AOAH: variants seen among roughly 807,000 people sequenced by gnomAD.
The protein encoded by AOAH is acyloxyacyl hydrolase (neutrophil).
In AOAH, 64 loss-of-function variants were observed where a neutral mutation model predicts 92.2. The observed-to-expected ratio is 0.69, with a 90% CI of 0.57 to 0.86. The LOEUF (loss-of-function observed/expected upper bound fraction) is 0.86, where lower values mean the gene tolerates loss of function less well. AOAH is among the 40% of genes least tolerant of loss of function. AOAH has a pLI of 0.00. For missense variants in AOAH, 656 were observed against 694.6 expected (o/e 0.94, Z 0.62); for synonymous variants, 263 against 254.5 (o/e 1.03, Z -0.32).
At chr7:36,681,917 A>C (rs1796670718) in intron 2 of AOAH, among the ~76,000 whole-genome samples, 1 of 152,230 alleles carries the variant, frequency 6.6e-6, no homozygotes, top group African/African-American at 2.4e-5. Flanking sequence ...TTAGGTGAGA[A>C]TAAACCACTT....
intron 1 of AOAH, among the ~76,000 whole-genome samples, chr7:36,703,745 T>C (rs1339104436): frequency 6.6e-6 from 1 of 152,218 alleles, no homozygotes; most frequent in Admixed American, 6.5e-5. Flanking sequence ...AAGTCTGCTA[T>C]TGTGAACAGT....
intron 4 of AOAH, among the ~76,000 whole-genome samples, chr7:36,656,347 G>A (rs767461515): frequency 5.3e-5 from 8 of 152,158 alleles, no homozygotes; most frequent in Non-Finnish European, 8.8e-5. Context: ...AGCCGGTGGC[G>A]ATAGACTTCA....
At position 36,659,246 on chromosome 7, in the gene AOAH, C is replaced by T. The variant is rs542375083; in HGVS notation, c.310G>A (p.Ala104Thr). 1 of 1,614,030 alleles carries T rather than the reference C, an allele frequency of 6.2e-7. No homozygotes were observed. The highest frequency in any genetic ancestry group is 1.3e-5 in the African/African-American group (1 of 75,046). ...TCCAGAGTGTGACATACCACATCAG[C>T]ATTCATATCTGCGCTAAGCCTGGAG... ...IIKLLSADMN[A>T]DVVCHTLEFC... is the part of the protein sequence containing the mutation. Residue 104 changes from alanine (A) to threonine (T), a missense_variant, in exon 4 of 21, where the codon GCT becomes ACT. By Grantham distance (58) the Ala-to-Thr change is moderately conservative. Transcript: ENST00000617537.
chr7:36,667,137 C>T (rs931960880), intron 3 of AOAH, among the ~76,000 whole-genome samples: 2 of 152,110 alleles, frequency 1.3e-5, no homozygotes, highest in Non-Finnish European at 2.9e-5. Flanking sequence ...GTTTTAATCT[C>T]CATGGTTTCA....
chr7:36,554,700 G>T (rs377697775), intron 13 of AOAH, among the ~76,000 whole-genome samples: 1 of 150,436 alleles, frequency 6.6e-6, no homozygotes, highest in Non-Finnish European at 1.5e-5. Context: ...GGTCCTTCAC[G>T]TCCCTTGTAA....
At chr7:36,576,226 C>A (rs761597034) in intron 13 of AOAH, among the ~76,000 whole-genome samples, 2 of 152,198 alleles carry the variant, frequency 1.3e-5, no homozygotes, top group Non-Finnish European at 2.9e-5. Flanking sequence ...AGAGCTTTTG[C>A]GATGACCTTA....
chr7:36,539,625 A>G (rs1478550368), intron 16 of AOAH, among the ~76,000 whole-genome samples: 1 of 152,256 alleles, frequency 6.6e-6, no homozygotes, highest in East Asian at 1.9e-4. Flanking sequence ...CAGAAAGCAG[A>G]GCCCTGCTAC....
chr7:36,521,404 T>C (rs1784101294), intron 20 of AOAH, among the ~76,000 whole-genome samples: 1 of 152,172 alleles, frequency 6.6e-6, no homozygotes, highest in African/African-American at 2.4e-5. Context: ...AAGTGGAGCT[T>C]CTCTGGTTGA....
chr7:36,695,748 A>G (rs4720212), intron 1 of AOAH, among the ~76,000 whole-genome samples: 88,486 of 152,028 alleles, frequency 0.58, 26,027 homozygotes, highest in East Asian at 0.83. Context: ...TTGCTTCCAA[A>G]TCTGTGGCTA....
intron 1 of AOAH, among the ~76,000 whole-genome samples, chr7:36,719,658 C>T (rs1440664041): frequency 1.3e-5 from 2 of 152,094 alleles, no homozygotes; most frequent in African/African-American, 2.4e-5. Flanking sequence ...GGGCTGGACA[C>T]GGTGGCTCAT....
intron 2 of AOAH, among the ~76,000 whole-genome samples, chr7:36,680,780 A>G (rs1427176233): frequency 1.3e-5 from 2 of 152,206 alleles, no homozygotes; most frequent in African/African-American, 2.4e-5. Flanking sequence ...TAACCTTCTT[A>G]ATCCTTTAAA....
intron 3 of AOAH, among the ~76,000 whole-genome samples, chr7:36,660,211 T>C (rs566156610): frequency 1.3e-5 from 2 of 152,388 alleles, no homozygotes; most frequent in South Asian, 2.1e-4. Flanking sequence ...AACAGCTTTA[T>C]TGCTCACGCA....
chr7:36,712,676 T>C (rs1214882906), intron 1 of AOAH, among the ~76,000 whole-genome samples: 1 of 152,128 alleles, frequency 6.6e-6, no homozygotes, highest in Non-Finnish European at 1.5e-5. Flanking sequence ...GGGCCAATAT[T>C]CAACATTCTC....
At chr7:36,541,351 A>G (rs894972168) in intron 15 of AOAH, among the ~76,000 whole-genome samples, 7 of 152,250 alleles carry the variant, frequency 4.6e-5, no homozygotes, top group African/African-American at 1.4e-4. Context: ...AAAAGAAAGT[A>G]CTGAAAGTAG....
intron 12 of AOAH, among the ~76,000 whole-genome samples, chr7:36,584,092 T>G (rs534733517): frequency 6.6e-6 from 1 of 152,378 alleles, no homozygotes; most frequent in Admixed American, 6.5e-5. Context: ...AAATGTTTTA[T>G]ATATTTTTGA....
chr7:36,589,524 TTTCCCTCAGTACTTCTAAACCAAG>T (rs1468716721), intron 12 of AOAH, among the ~76,000 whole-genome samples: 2 of 152,172 alleles, frequency 1.3e-5, no homozygotes, highest in Non-Finnish European at 2.9e-5. Context: ...TCTTGAACAA[TTTCCCTCAGTACTTCTAAACCAAG>T]TAGCGTCATA....
chr7:36,676,427 T>A (rs1029586170), intron 2 of AOAH, among the ~76,000 whole-genome samples: 15 of 152,166 alleles, frequency 9.9e-5, no homozygotes, highest in Non-Finnish European at 1.5e-5. Flanking sequence ...ATATATACTC[T>A]GAAAACTACA....
At chr7:36,703,285 A>T (rs1451183894) in intron 1 of AOAH, among the ~76,000 whole-genome samples, 3 of 152,174 alleles carry the variant, frequency 2.0e-5, no homozygotes, top group Non-Finnish European at 2.9e-5. Context: ...AATGTTCTTC[A>T]TGGCATCTAA....
At chr7:36,603,500 GC>G (rs1434190804) in intron 11 of AOAH, among the ~76,000 whole-genome samples, 1 of 152,192 alleles carries the variant, frequency 6.6e-6, no homozygotes, top group Non-Finnish European at 1.5e-5. Flanking sequence ...GCTTGTGCAT[GC>G]CTAGCTGACT....
Sources: allele counts gnomAD v4.1 joint callset (sites outside exome capture counted in the v4.1 genomes callset), GRCh38; gene constraint gnomAD v4.1.1; transcripts MANE v1.5; gene names NCBI Gene and HGNC (gene_info 2026-07-23, HGNC 2026-07-21).